Variants in TTBK2 observed in about 807,000 individuals in gnomAD.
TTBK2 encodes tau tubulin kinase 2.
TTBK2 carries 28 observed loss-of-function variants against 110.8 expected under a neutral mutation model. The ratio of observed to expected loss-of-function variants is 0.25; its 90% confidence interval spans 0.19 to 0.35. TTBK2 has a LOEUF of 0.35. TTBK2 is among the 10% of genes least tolerant of loss of function. The pLI is 1.00. For missense variants in TTBK2, 1,369 were observed against 1,500.3 expected (o/e 0.91, Z 1.45); for synonymous variants, 532 against 527.3 (o/e 1.01, Z -0.12).
intron 3 of TTBK2, 129 bp downstream of exon 3, chr15:42,872,482 G>T (rs914443003): frequency 9.4e-7 from 1 of 1,063,140 alleles, no homozygotes; most frequent in Non-Finnish European, 1.4e-6. Flanking sequence ...AATGCTCAGC[G>T]TATTTATACC....
intron 14 of TTBK2, among the ~76,000 whole-genome samples, chr15:42,748,951 G>C (rs929512354): frequency 6.6e-6 from 1 of 152,036 alleles, no homozygotes; most frequent in Admixed American, 6.6e-5. Context: ...TGTTACCAGG[G>C]TCCATTTATC....
intron 3 of TTBK2, among the ~76,000 whole-genome samples, chr15:42,869,055 A>C (rs1894504342): frequency 6.6e-6 from 1 of 151,928 alleles, no homozygotes; most frequent in Non-Finnish European, 1.5e-5. Context: ...ATCAAAGGAG[A>C]GAAGTGTTTT....
chr15:42,870,204 G>A (rs935851321), intron 3 of TTBK2, among the ~76,000 whole-genome samples: 4 of 152,010 alleles, frequency 2.6e-5, no homozygotes, highest in Non-Finnish European at 4.4e-5. Context: ...AATAAAATTC[G>A]AGAGTCTAGC....
chr15:42,744,978 A>G lies in TTBK2; in HGVS notation c.*817T>C, dbSNP rs1254838133. On this transcript the variant is annotated 3_prime_UTR_variant, in exon 15 of 15. Coordinates refer to ENST00000267890, the MANE Select transcript of TTBK2 (RefSeq NM_173500.4). ...GCATCTTCTATCTTGAAGGCTATTAACCCACACTTTCTTTCTCTCCCTAAA... is the reference window on the plus strand; with the variant it reads ...GCATCTTCTATCTTGAAGGCTATTAGCCCACACTTTCTTTCTCTCCCTAAA... The G allele has an allele frequency of 6.5e-6, 1 of 154,276 alleles. No homozygotes were observed. The highest frequency in any genetic ancestry group is 1.5e-5 in the Non-Finnish European group (1 of 68,198). 9.6% of individuals were successfully genotyped at this position (154,276 alleles called of 1,614,324 possible).
At chr15:42,881,599 C>T (rs538864561) in intron 1 of TTBK2, among the ~76,000 whole-genome samples, 3 of 152,110 alleles carry the variant, frequency 2.0e-5, no homozygotes, top group African/African-American at 4.8e-5. Flanking sequence ...TTAGGCCAGG[C>T]GCGGTGGCTC....
intron 3 of TTBK2, among the ~76,000 whole-genome samples, chr15:42,861,861 G>GA (rs1218897894): frequency 6.6e-6 from 1 of 151,994 alleles, no homozygotes; most frequent in African/African-American, 2.4e-5. Context: ...ACCAAAGGGG[G>GA]AAAAAGAGAA....
At chr15:42,863,263 C>A (rs1028286209) in intron 3 of TTBK2, among the ~76,000 whole-genome samples, 2 of 151,992 alleles carry the variant, frequency 1.3e-5, no homozygotes, top group African/African-American at 4.8e-5. Context: ...TTTCTATAGA[C>A]CAATAATGTT....
intron 14 of TTBK2, among the ~76,000 whole-genome samples, chr15:42,749,875 C>T (rs1038452720): frequency 1.3e-5 from 2 of 152,174 alleles, no homozygotes; most frequent in Non-Finnish European, 2.9e-5. Flanking sequence ...CTTAGGTTTA[C>T]ATCTCAGGCT....
chr15:42,882,046 A>T (rs1210212123), intron 1 of TTBK2, among the ~76,000 whole-genome samples: 2 of 152,038 alleles, frequency 1.3e-5, no homozygotes, highest in African/African-American at 4.8e-5. Flanking sequence ...ATGAATATAG[A>T]CCCCAGGGAC....
chr15:42,845,617 G>A (rs1053871921), intron 3 of TTBK2, among the ~76,000 whole-genome samples: 1 of 113,690 alleles, frequency 8.8e-6, no homozygotes, highest in Admixed American at 1.3e-4. Flanking sequence ...CTGGGCGACA[G>A]AGCAAGGCTG....
intron 3 of TTBK2, among the ~76,000 whole-genome samples, chr15:42,841,349 A>G (rs1893211965): frequency 6.6e-6 from 1 of 152,120 alleles, no homozygotes; most frequent in Non-Finnish European, 1.5e-5. Flanking sequence ...AGCTGGGACT[A>G]GAGGTGTGTG....
chr15:42,916,419 C>T (rs563847970), intron 1 of TTBK2, among the ~76,000 whole-genome samples: 94 of 152,304 alleles, frequency 6.2e-4, no homozygotes, highest in African/African-American at 2.1e-3. Context: ...CCACCGCCTC[C>T]GGGTTCAAGC....
At chr15:42,800,931 G>A (rs770417076) in intron 9 of TTBK2, 1 of 712,412 alleles carries the variant, frequency 1.4e-6, no homozygotes, top group South Asian at 1.5e-5. Flanking sequence ...AGGCTCTGCG[G>A]CAGCCGCAGG....
intron 2 of TTBK2, among the ~76,000 whole-genome samples, chr15:42,875,250 T>G (rs1894772040): frequency 6.6e-6 from 1 of 152,158 alleles, no homozygotes; most frequent in African/African-American, 2.4e-5. Context: ...TTAATTGGCC[T>G]GACAAAGCCC....
intron 1 of TTBK2, among the ~76,000 whole-genome samples, chr15:42,918,446 GTC>G (rs2031200838): frequency 6.6e-6 from 1 of 151,990 alleles, no homozygotes; most frequent in Non-Finnish European, 1.5e-5. Flanking sequence ...CTGGCTCAGA[GTC>G]TCTCATGAGT....
chr15:42,904,972 A>G (rs2030295292), intron 1 of TTBK2, among the ~76,000 whole-genome samples: 1 of 151,922 alleles, frequency 6.6e-6, no homozygotes, highest in Admixed American at 6.6e-5. Context: ...TCTGGGCTCA[A>G]GTGATCCTCC....
chr15:42,890,787 C>T (rs924332773), intron 1 of TTBK2, among the ~76,000 whole-genome samples: 2 of 152,102 alleles, frequency 1.3e-5, no homozygotes, highest in African/African-American at 4.8e-5. Flanking sequence ...CTCCACCTCC[C>T]AACTTCCAGG....
chr15:42,850,354 C>T (rs1211319058), intron 3 of TTBK2, among the ~76,000 whole-genome samples: 1 of 152,156 alleles, frequency 6.6e-6, no homozygotes, highest in African/African-American at 2.4e-5. Flanking sequence ...ACATTAAGTT[C>T]AGGCTGGGGT....
chr15:42,860,215 C>T (rs1381701976), intron 3 of TTBK2, among the ~76,000 whole-genome samples: 2 of 151,958 alleles, frequency 1.3e-5, no homozygotes, highest in Admixed American at 1.3e-4. Flanking sequence ...TAATATCAAA[C>T]ACCAAACCAC....
Sources: allele counts gnomAD v4.1 joint callset (sites outside exome capture counted in the v4.1 genomes callset), GRCh38; gene constraint gnomAD v4.1.1; transcripts MANE v1.5; gene names NCBI Gene and HGNC (gene_info 2026-07-23, HGNC 2026-07-21).